GPAT4: variants seen among roughly 807,000 people sequenced by gnomAD.
The protein encoded by GPAT4 is glycerol-3-phosphate acyltransferase 4, also known as 1-AGP acyltransferase 6.
In GPAT4, 17 loss-of-function variants were observed where a neutral mutation model predicts 58.0. The ratio of observed to expected loss-of-function variants is 0.29; its 90% CI spans 0.20 to 0.44. The LOEUF (loss-of-function observed/expected upper bound fraction) is 0.44. Among genes scored for constraint, GPAT4 ranks in the 20% least tolerant of loss-of-function variants. GPAT4 has a pLI of 1.00. For missense variants in GPAT4, 377 were observed against 574.5 expected, an observed-to-expected ratio of 0.66 and a Z score of 3.51; for synonymous variants, 204 against 210.1, an observed-to-expected ratio of 0.97 and a Z score of 0.25.
chr8:41,612,994 A>G (rs1172113057), intron 8 of GPAT4, 34 bp downstream of exon 8: 6 of 1,588,954 alleles, frequency 3.8e-6, no homozygotes, highest in Non-Finnish European at 5.2e-6. Flanking sequence ...CTGCTTGGCC[A>G]GTTAGAATGC....
chr8:41,609,451 G>A lies in GPAT4; in HGVS notation c.201G>A (p.Glu67=). 1 of 1,614,164 alleles carries A rather than the reference G, an allele frequency of 6.2e-7. No homozygotes were observed. The highest frequency in any genetic ancestry group is 8.5e-7 in the Non-Finnish European group (1 of 1,180,032). ...TGAGAATGGAGCGAGGAGCCAAGGA[G>A]AAGAACCACCAGCTTTACAAGCCCT... ...ATLRMERGAK[E]KNHQLYKPYT... The change falls in exon 3 of 13, where the codon GAG becomes GAA. Residue 67 remains glutamate (E), a synonymous_variant. Transcript: ENST00000396987.
At chr8:41,615,099 G>A in intron 10 of GPAT4, 51 bp downstream of exon 10, 7 of 1,502,620 alleles carry the variant, frequency 4.7e-6, no homozygotes, top group Non-Finnish European at 6.5e-6. Context: ...TGCTGTGAGT[G>A]GGGTGCAGCA....
intron 4 of GPAT4, chr8:41,610,295 A>C: frequency 8.1e-7 from 1 of 1,229,052 alleles, no homozygotes; most frequent in Non-Finnish European, 1.0e-6. Flanking sequence ...CAGGGGCAGT[A>C]TTGATCTTTC....
intron 10 of GPAT4, among the ~76,000 whole-genome samples, chr8:41,616,057 G>A (rs1803587064): frequency 2.0e-5 from 3 of 152,320 alleles, no homozygotes; most frequent in Admixed American, 2.0e-4. Flanking sequence ...GGAAACAGCA[G>A]GAAAGAGGAA....
At chr8:41,610,643 T>G (rs1002535327) in intron 4 of GPAT4, 93 bp from the exon 5 acceptor site, 2 of 1,569,038 alleles carry the variant, frequency 1.3e-6, no homozygotes, top group African/African-American at 2.7e-5. Flanking sequence ...TTGGGGGTGG[T>G]TTTTGTGATG....
At chr8:41,592,089 T>A (rs1802804640) in intron 1 of GPAT4, among the ~76,000 whole-genome samples, 1 of 152,232 alleles carries the variant, frequency 6.6e-6, no homozygotes, top group Non-Finnish European at 1.5e-5. Flanking sequence ...GGGCCATTTA[T>A]CATCTTTCCA....
chr8:41,615,233 C>A (rs1803560498), intron 10 of GPAT4, among the ~76,000 whole-genome samples, 185 bp downstream of exon 10: 1 of 152,166 alleles, frequency 6.6e-6, no homozygotes. Context: ...CTCAGCACCC[C>A]TTAGAAGGGC....
rs1803813146 is a variant in GPAT4, at chr8:41,623,294, C to G, written c.*2293C>G. On this transcript the variant is annotated 3_prime_UTR_variant, in exon 13 of 13. Transcript: ENST00000396987. ...CTGCAAGCCCCAAGTGACCCATAGT[C>G]AGAGTATCTGGTTTGGGGTAACCGA... The G allele has an allele frequency of 6.6e-6, 1 of 152,226 alleles. No individual in the cohort carries two copies. 9.4% of individuals were successfully genotyped at this position (152,226 alleles called of 1,614,324 possible).
chr8:41,579,160 A>G (rs1040119263), intron 1 of GPAT4, among the ~76,000 whole-genome samples: 1 of 152,242 alleles, frequency 6.6e-6, no homozygotes, highest in Non-Finnish European at 1.5e-5. Flanking sequence ...TAATAATGCC[A>G]ATCAAATATA....
intron 12 of GPAT4, among the ~76,000 whole-genome samples, chr8:41,620,273 T>C (rs543743): frequency 0.96 from 146,223 of 152,276 alleles, 70,488 homozygotes; most frequent in East Asian, 1. Context: ...GGGACTGTAA[T>C]GAAACAATCC....
intron 1 of GPAT4, among the ~76,000 whole-genome samples, chr8:41,584,155 C>T (rs767575927): frequency 1.1e-4 from 16 of 152,118 alleles, no homozygotes; most frequent in Non-Finnish European, 1.8e-4. Flanking sequence ...CCTCGGCCTC[C>T]CAGAATGCTG....
At chr8:41,619,785 T>G (rs1803696101) in intron 12 of GPAT4, among the ~76,000 whole-genome samples, 1 of 152,178 alleles carries the variant, frequency 6.6e-6, no homozygotes, top group South Asian at 2.1e-4. Context: ...AAATTCACAT[T>G]GTAAACCCAA....
intron 12 of GPAT4, among the ~76,000 whole-genome samples, chr8:41,620,292 G>A (rs1306538053): frequency 6.6e-6 from 1 of 150,506 alleles, no homozygotes; most frequent in African/African-American, 2.5e-5. Context: ...CCCAAGTCTG[G>A]TGGGTTGGTT....
intron 1 of GPAT4, among the ~76,000 whole-genome samples, chr8:41,595,392 T>A (rs896916255): frequency 1.4e-5 from 2 of 147,182 alleles, no homozygotes; most frequent in African/African-American, 2.5e-5. Context: ...ATGCTCACAA[T>A]GAGGTTTCCT....
intron 1 of GPAT4, among the ~76,000 whole-genome samples, chr8:41,582,444 T>TGCAC (rs1802541318): frequency 7.1e-6 from 1 of 141,614 alleles, no homozygotes; most frequent in Admixed American, 7.1e-5. Context: ...TGGGAAAGTA[T>TGCAC]ACACACACAC....
intron 2 of GPAT4, among the ~76,000 whole-genome samples, chr8:41,601,883 A>T (rs1263806140): frequency 6.6e-6 from 1 of 152,216 alleles, no homozygotes; most frequent in African/African-American, 2.4e-5. Flanking sequence ...AATTTATAGG[A>T]CCTGCAGTCT....
chr8:41,582,811 A>G (rs1013222437), intron 1 of GPAT4, among the ~76,000 whole-genome samples: 6 of 152,154 alleles, frequency 3.9e-5, no homozygotes, highest in Non-Finnish European at 1.5e-5. Flanking sequence ...ATATTTGCCC[A>G]CATGGATAGA....
chr8:41,584,563 A>AT (rs1160761202), intron 1 of GPAT4, among the ~76,000 whole-genome samples: 9 of 152,124 alleles, frequency 5.9e-5, no homozygotes, highest in Non-Finnish European at 1.0e-4. Flanking sequence ...GGATAAAAAG[A>AT]TTTTTTGAAC....
At chr8:41,594,924 G>T (rs1445028713) in intron 1 of GPAT4, among the ~76,000 whole-genome samples, 1 of 151,670 alleles carries the variant, frequency 6.6e-6, no homozygotes, top group African/African-American at 2.4e-5. Flanking sequence ...CATAAATTCT[G>T]TCCCCCCTTT....
Sources: gnomAD v4.1 joint callset for allele counts (sites outside exome capture counted in the v4.1 genomes callset) on GRCh38, gnomAD v4.1.1 for gene constraint, MANE v1.5 for transcripts, NCBI Gene and HGNC (gene_info 2026-07-23, HGNC 2026-07-21) for gene names.